Variants in RBFOX1 observed in about 807,000 individuals in gnomAD.
RBFOX1 encodes RNA binding protein fox-1 homolog 1.
A neutral mutation model predicts 57.7 loss-of-function variants in RBFOX1; 8 were observed. The ratio of observed to expected loss-of-function variants is 0.14; its 90% CI spans 0.08 to 0.25. RBFOX1 has a LOEUF of 0.25. RBFOX1 is among the 10% of genes least tolerant of loss of function. RBFOX1 has a pLI of 1.00. For synonymous variants in RBFOX1, 326 were observed against 222.4 expected (o/e 1.47, Z -4.15); for missense variants, 611 against 548.5 (o/e 1.11, Z -1.14).
intron 3 of RBFOX1, among the ~76,000 whole-genome samples, chr16:6,893,661 A>G (rs1419682770): frequency 6.6e-6 from 1 of 152,208 alleles, no homozygotes; most frequent in East Asian, 1.9e-4. Flanking sequence ...CATTGGCCAG[A>G]GAAGCCCAGA....
At chr16:5,788,478 A>G (rs1567543095) in intron 3 of RBFOX1, among the ~76,000 whole-genome samples, 1 of 151,930 alleles carries the variant, frequency 6.6e-6, no homozygotes. Context: ...AAAATACAAA[A>G]TTTAGCTGGG....
At chr16:6,879,056 G>A (rs1307882762) in intron 3 of RBFOX1, among the ~76,000 whole-genome samples, 1 of 152,136 alleles carries the variant, frequency 6.6e-6, no homozygotes, top group Non-Finnish European at 1.5e-5. Context: ...TAGTGTTTCA[G>A]CCCACTCTTT....
chr16:7,390,450 T>C (rs2097983715), intron 4 of RBFOX1, among the ~76,000 whole-genome samples: 1 of 152,320 alleles, frequency 6.6e-6, no homozygotes, highest in African/African-American at 2.4e-5. Context: ...TGCAGGGACC[T>C]TACTCACATC....
intron 4 of RBFOX1, among the ~76,000 whole-genome samples, chr16:7,122,546 T>A (rs2067422433): frequency 6.6e-6 from 1 of 152,072 alleles, no homozygotes; most frequent in South Asian, 2.1e-4. Flanking sequence ...AGTAGAGGCA[T>A]AAGATAAAAA....
intron 1 of RBFOX1, among the ~76,000 whole-genome samples, chr16:6,172,149 G>T (rs1490104248): frequency 6.6e-6 from 1 of 152,022 alleles, no homozygotes; most frequent in African/African-American, 2.4e-5. Context: ...GGTCAAGGAT[G>T]TCACACTGCA....
Position 5,593,085 on chromosome 16 carries a change from C to G in RBFOX1, c.259-5817C>G, listed in dbSNP as rs191811095. On this transcript the variant is annotated intron_variant, in intron 2 of 2. Coordinates refer to the RBFOX1 transcript ENST00000585867. ...ATAAAACAATAGCAAAGACCTGGAA[C>G]CAACCCAAATATCCATCAATGATAG... Among the ~76,000 whole-genome samples, 729 of 152,242 alleles carry G rather than the reference C, an allele frequency of 4.8e-3. 5 individuals carry two copies. The highest frequency in any genetic ancestry group is 0.01 in the Middle Eastern group (3 of 294).
At chr16:6,012,369 T>A (rs1253430617) in intron 4 of RBFOX1, among the ~76,000 whole-genome samples, 1 of 152,204 alleles carries the variant, frequency 6.6e-6, no homozygotes, top group African/African-American at 2.4e-5. Flanking sequence ...ACCACCACTA[T>A]CGCCATGTTG....
At chr16:6,670,277 C>A (rs1236466440) in intron 3 of RBFOX1, among the ~76,000 whole-genome samples, 1 of 151,836 alleles carries the variant, frequency 6.6e-6, no homozygotes, top group Non-Finnish European at 1.5e-5. Flanking sequence ...CCTATGTTGT[C>A]CAGGCTGGCT....
intron 4 of RBFOX1, among the ~76,000 whole-genome samples, chr16:7,284,206 T>C (rs1279789135): frequency 6.6e-6 from 1 of 152,246 alleles, no homozygotes; most frequent in Non-Finnish European, 1.5e-5. Flanking sequence ...TTTCCAGTTT[T>C]TGCTGATTAT....
chr16:5,523,285 C>A (rs78657476), intron 2 of RBFOX1, among the ~76,000 whole-genome samples: 3 of 151,124 alleles, frequency 2.0e-5, no homozygotes, highest in South Asian at 4.2e-4. Flanking sequence ...GACTCTGTTT[C>A]AAAAAAAACA....
intron 3 of RBFOX1, among the ~76,000 whole-genome samples, chr16:6,994,599 T>C (rs927007251): frequency 9.2e-5 from 14 of 152,308 alleles, no homozygotes; most frequent in Non-Finnish European, 1.6e-4. Flanking sequence ...GGAAGAATGA[T>C]GCTGTGTATC....
intron 2 of RBFOX1, among the ~76,000 whole-genome samples, chr16:6,596,190 C>A (rs1362485143): frequency 6.6e-6 from 1 of 151,564 alleles, no homozygotes; most frequent in African/African-American, 2.4e-5. Context: ...GTTTTTCACC[C>A]CAAGGTCACA....
At chr16:5,690,126 C>T (rs1187832114) in intron 3 of RBFOX1, among the ~76,000 whole-genome samples, 1 of 152,152 alleles carries the variant, frequency 6.6e-6, no homozygotes. Flanking sequence ...TTAAGACGCC[C>T]CGGTTGGTTT....
chr16:7,233,471 A>G (rs2346611), intron 4 of RBFOX1, among the ~76,000 whole-genome samples: 101,710 of 152,068 alleles, frequency 0.67, 35,692 homozygotes, highest in East Asian at 0.96. Context: ...AACACAATAC[A>G]TGGTAGACAG....
intron 1 of RBFOX1, among the ~76,000 whole-genome samples, chr16:5,316,899 GTCCAA>G (rs2064254779): frequency 6.6e-6 from 1 of 152,108 alleles, no homozygotes; most frequent in Non-Finnish European, 1.5e-5. Flanking sequence ...GGTGGGCAGA[GTCCAA>G]TTGGCTGGGG....
chr16:6,895,510 G>A (rs1400683698), intron 3 of RBFOX1, among the ~76,000 whole-genome samples: 1 of 128,422 alleles, frequency 7.8e-6, no homozygotes, highest in East Asian at 2.4e-4. Context: ...TGGATAACAA[G>A]CTGTCGATTC....
Position 7,030,765 on chromosome 16 carries a change from C to T in RBFOX1, c.-15-21292C>T, listed in dbSNP as rs867435966. Among the ~76,000 whole-genome samples the T allele has an allele frequency of 4.6e-5, 7 of 152,160 alleles. 1 individual carries two copies. The highest frequency in any genetic ancestry group is 8.8e-5 in the Non-Finnish European group (6 of 68,030). ...AAGAGACACTATTCAACCCATTATA[C>T]AAAGTTATGGGGTCTAATTAAGGCC... is the stretch of plus-strand genomic sequence containing the variant. On this transcript the variant is annotated intron_variant, in intron 3 of 15. Coordinates refer to ENST00000550418, the MANE Select transcript of RBFOX1 (RefSeq NM_018723.4).
intron 3 of RBFOX1, among the ~76,000 whole-genome samples, chr16:6,722,811 A>T (rs2066291628): frequency 6.6e-6 from 1 of 152,176 alleles, no homozygotes; most frequent in African/African-American, 2.4e-5. Context: ...CAGCGGCCAG[A>T]TGGGTACATT....
intron 3 of RBFOX1, among the ~76,000 whole-genome samples, chr16:6,991,824 C>T (rs1486934217): frequency 6.6e-6 from 1 of 152,112 alleles, no homozygotes; most frequent in African/African-American, 2.4e-5. Context: ...ACAGGTGTGA[C>T]CCACCAGGCC....
Sources: gnomAD v4.1 joint callset for allele counts (sites outside exome capture counted in the v4.1 genomes callset) on GRCh38, gnomAD v4.1.1 for gene constraint, MANE v1.5 for transcripts, NCBI Gene and HGNC (gene_info 2026-07-23, HGNC 2026-07-21) for gene names.